COL28A1: variants seen among roughly 807,000 people sequenced by gnomAD.
COL28A1 encodes the protein collagen alpha-1(XXVIII) chain.
Under a neutral mutation model 150.2 loss-of-function variants are expected in COL28A1, and 161 were observed. That is an observed-to-expected ratio of 1.07 (90% confidence interval 0.94 to 1.22). The LOEUF (loss-of-function observed/expected upper bound fraction) is 1.22, where lower values mean the gene tolerates loss of function less well. COL28A1 is among the 50% of genes most tolerant of loss of function. The probability of loss-of-function intolerance (pLI) is 0.00; values close to 1 mark genes in which losing one functional copy is unlikely to be tolerated. For missense variants in COL28A1, 1,617 were observed against 1,388.3 expected, an observed-to-expected ratio of 1.16 and a Z score of -2.62; for synonymous variants, 552 against 469.7, an observed-to-expected ratio of 1.18 and a Z score of -2.26.
intron 27 of COL28A1, among the ~76,000 whole-genome samples, chr7:7,403,273 C>T (rs1486602973): frequency 1.3e-5 from 2 of 152,186 alleles, no homozygotes; most frequent in East Asian, 1.9e-4. Context: ...ACTTTCAGTA[C>T]AATCAGATCA....
intron 7 of COL28A1, 48 bp downstream of exon 7, chr7:7,517,748 G>A: frequency 6.2e-7 from 1 of 1,611,826 alleles, no homozygotes; most frequent in Non-Finnish European, 8.5e-7. Flanking sequence ...CACAAAATCA[G>A]TAACCTAGGA....
chr7:7,475,286 G>C (rs1788771406), intron 14 of COL28A1, among the ~76,000 whole-genome samples: 1 of 152,090 alleles, frequency 6.6e-6, no homozygotes, highest in Non-Finnish European at 1.5e-5. Flanking sequence ...TAATAAATCA[G>C]AAGCAGCATT....
chr7:7,525,192 G>GTGAC (rs1419069641), intron 3 of COL28A1, among the ~76,000 whole-genome samples: 1 of 152,224 alleles, frequency 6.6e-6, no homozygotes, highest in African/African-American at 2.4e-5. Context: ...CCACCATAAT[G>GTGAC]TGACTCAACT....
chr7:7,481,690 G>A (rs372704694), intron 13 of COL28A1, among the ~76,000 whole-genome samples: 1 of 152,078 alleles, frequency 6.6e-6, no homozygotes, highest in Non-Finnish European at 1.5e-5. Context: ...AAATACGATT[G>A]TCCATTATGT....
chr7:7,437,039 A>T (rs1312051429), intron 22 of COL28A1, among the ~76,000 whole-genome samples: 2 of 152,182 alleles, frequency 1.3e-5, no homozygotes, highest in Non-Finnish European at 2.9e-5. Flanking sequence ...CTGTCTCAAA[A>T]AATAAACCAG....
At chr7:7,375,226 G>A (rs530569267) in intron 31 of COL28A1, among the ~76,000 whole-genome samples, 2 of 152,222 alleles carry the variant, frequency 1.3e-5, no homozygotes, top group Admixed American at 6.5e-5. Context: ...ACATACCCTA[G>A]GCTGGCACCT....
At chr7:7,535,301 CA>C (rs1217734143) in intron 1 of COL28A1, among the ~76,000 whole-genome samples, 1 of 151,900 alleles carries the variant, frequency 6.6e-6, no homozygotes, top group East Asian at 1.9e-4. Flanking sequence ...TATAATTTTT[CA>C]AAAATAAAAT....
At chr7:7,383,100 A>C (rs1034443467) in intron 27 of COL28A1, among the ~76,000 whole-genome samples, 1 of 152,218 alleles carries the variant, frequency 6.6e-6, no homozygotes, top group African/African-American at 2.4e-5. Context: ...CACGTTAAAA[A>C]ATAAAACAGA....
At chr7:7,443,323 T>C (rs532863760) in intron 20 of COL28A1, among the ~76,000 whole-genome samples, 2 of 152,336 alleles carry the variant, frequency 1.3e-5, no homozygotes, top group African/African-American at 4.8e-5. Flanking sequence ...TATGTGTTTT[T>C]TAAATGTCAA....
intron 25 of COL28A1, among the ~76,000 whole-genome samples, chr7:7,432,262 T>A (rs1483702058): frequency 2.0e-5 from 3 of 152,080 alleles, no homozygotes; most frequent in African/African-American, 7.2e-5. Flanking sequence ...GGAATGCGAG[T>A]TGCTATCAGA....
intron 25 of COL28A1, among the ~76,000 whole-genome samples, chr7:7,431,051 T>A (rs936867398): frequency 1.3e-5 from 2 of 152,174 alleles, no homozygotes; most frequent in African/African-American, 4.8e-5. Context: ...GGGTCTCCAA[T>A]CTTTTATTCC....
At position 7,524,142 on chromosome 7, in the gene COL28A1, C is replaced by T; in HGVS notation, c.702+87G>A. On this transcript the variant is annotated intron_variant, in intron 4 of 34. Transcript: ENST00000399429. ...AACTAAGCATTTTTATTTAGTCACA[C>T]TTAATCTTCTAATGTGAATTATAAT... The T allele has an allele frequency of 1.1e-5, 9 of 823,084 alleles. No homozygotes were observed. In the Admixed American group the frequency reaches 1.7e-4, roughly 15 times the overall value. 51.0% of individuals were successfully genotyped at this position (823,084 alleles called of 1,614,324 possible). A position where few individuals can be genotyped will look rare whatever the true frequency, so the allele number is the denominator to read the frequency against.
At chr7:7,464,582 C>T (rs1185020121) in intron 15 of COL28A1, among the ~76,000 whole-genome samples, 1 of 152,156 alleles carries the variant, frequency 6.6e-6, no homozygotes, top group East Asian at 1.9e-4. Context: ...AAAATGAAAT[C>T]AAGATGGAAA....
In COL28A1 at chr7:7,456,057, C is replaced by G; in HGVS notation, c.1358G>C (p.Ser453Thr). 6.2e-7 allele frequency: 1 copy of G among 1,613,968 alleles called. No individual in the cohort carries two copies. The highest frequency in any genetic ancestry group is 8.5e-7 in the Non-Finnish European group (1 of 1,179,910). Residue 453 changes from serine (S) to threonine (T), a missense_variant, in exon 16 of 35, where the codon AGT (serine) becomes ACT (threonine). Transcript: ENST00000399429. ...QGPMGIPGIG[S>T]QGEQGIQGPI... The stretch of plus-strand genomic sequence containing the variant: ...TGCATTAATTACCTGTTCCCCTTGA[C>G]TCCCGATTCCAGGGATACCCATTGG...
chr7:7,390,894 G>A (rs1782502416), intron 27 of COL28A1, among the ~76,000 whole-genome samples: 1 of 151,686 alleles, frequency 6.6e-6, no homozygotes. Context: ...TATTGGTCCA[G>A]CTAGTGGTCT....
intron 27 of COL28A1, among the ~76,000 whole-genome samples, chr7:7,413,687 A>G (rs1355618078): frequency 6.6e-6 from 1 of 152,190 alleles, no homozygotes; most frequent in Non-Finnish European, 1.5e-5. Context: ...TGTGGAAGAA[A>G]ATCACCCACC....
intron 14 of COL28A1, among the ~76,000 whole-genome samples, chr7:7,476,764 G>A (rs879466960): frequency 6.6e-6 from 1 of 152,122 alleles, no homozygotes; most frequent in Admixed American, 6.5e-5. Flanking sequence ...CACGAAAAAA[G>A]CTGTGAGCAA....
intron 11 of COL28A1, among the ~76,000 whole-genome samples, chr7:7,498,059 T>C (rs6942414): frequency 0.034 from 5,248 of 152,278 alleles, 312 homozygotes; most frequent in African/African-American, 0.12. Context: ...AAAAATTATA[T>C]TGAACCACAT....
chr7:7,459,264 G>A (rs917000967), intron 15 of COL28A1, among the ~76,000 whole-genome samples: 2 of 152,202 alleles, frequency 1.3e-5, no homozygotes, highest in Non-Finnish European at 2.9e-5. Flanking sequence ...TGCTCCAAAG[G>A]AAGAAAGAGC....
Sources: allele counts gnomAD v4.1 joint callset (sites outside exome capture counted in the v4.1 genomes callset), GRCh38; gene constraint gnomAD v4.1.1; transcripts MANE v1.5; gene names NCBI Gene and HGNC (gene_info 2026-07-23, HGNC 2026-07-21).